TECPR2: variants seen among roughly 807,000 people sequenced by gnomAD.
The protein encoded by TECPR2 is tectonin beta-propeller repeat-containing protein 2.
A neutral mutation model predicts 138.1 loss-of-function variants in TECPR2; 65 were observed. The observed-to-expected ratio is 0.47, with a 90% CI of 0.39 to 0.58. The LOEUF is 0.58. Among genes scored for constraint, TECPR2 ranks in the 20% least tolerant of loss-of-function variants. The pLI, the probability that TECPR2 is intolerant of heterozygous loss-of-function variation, is 0.00. For synonymous variants in TECPR2, 746 were observed against 749.8 expected, an observed-to-expected ratio of 0.99 and a Z score of 0.08; for missense variants, 1,553 against 1,824.5, an observed-to-expected ratio of 0.85 and a Z score of 2.71.
At position 102,362,962 on chromosome 14, in the gene TECPR2, GCCCC is replaced by G. The variant is rs1230605086; in HGVS notation, c.-225_-222del. On this transcript the variant is annotated 5_prime_UTR_variant, in exon 1 of 20. Transcript: ENST00000359520. ...TGCCACTTGTGGCTCTGCCGCTCTA[GCCCC>G]CGGCGGAGCCAGCTGCTGCTCTTCG... 5 of 1,422,288 alleles carry G rather than the reference GCCCC, an allele frequency of 3.5e-6. No homozygotes were observed. The African/African-American group carries it at 7.1e-5, about 20-fold the overall frequency. 88.1% of individuals were successfully genotyped at this position (1,422,288 alleles called of 1,614,324 possible).
At chr14:102,432,298 TACACACAC>T (rs10650505) in intron 8 of TECPR2, among the ~76,000 whole-genome samples, 170 bp downstream of exon 8, 1 of 148,804 alleles carries the variant, frequency 6.7e-6, no homozygotes, top group African/African-American at 2.5e-5. Flanking sequence ...TAACGGAAAA[TACACACAC>T]ACACACACAC....
At position 102,435,007 on chromosome 14, in the gene TECPR2, C is replaced by T; in HGVS notation, c.2190C>T (p.Ala730=). Residue 730 remains alanine, a synonymous_variant, in exon 9 of 20, where the codon GCC becomes GCT. Coordinates refer to ENST00000359520, the MANE Select transcript of TECPR2 (RefSeq NM_014844.5). ...SVGGQLTPVS[A]LAASTHKPWL... is the part of the protein sequence containing the mutation. The stretch of plus-strand genomic sequence containing the variant: ...GAGGACAGCTGACTCCGGTCTCTGC[C>T]TTGGCAGCCAGCACTCACAAGCCCT... 2 of 1,614,104 alleles carry T rather than the reference C, an allele frequency of 1.2e-6. No homozygotes were observed. Among genetic ancestry groups the T allele is most frequent in the Non-Finnish European group, 1.7e-6 (2 of 1,180,024 alleles).
rs768901826 is a variant in TECPR2 at position 102,498,145 on chromosome 14, A to G, written c.4124A>G (p.Tyr1375Cys). The change falls in exon 20 of 20, where the codon TAC becomes TGC. Residue 1375 changes from tyrosine (Y) to cysteine (C), a missense_variant. Coordinates refer to ENST00000359520, the MANE Select transcript of TECPR2 (RefSeq NM_014844.5). ...CTGTGGGCTGTGGGCCCGCCCGGCTACCTCCTCCAACGGCTGACAAAGACG... is the reference window on the plus strand; with the variant it reads ...CTGTGGGCTGTGGGCCCGCCCGGCTGCCTCCTCCAACGGCTGACAAAGACG... ...DELWAVGPPG[Y>C]LLQRLTKTFS... 1.9e-6 allele frequency: 3 copies of G among 1,612,930 alleles called. No individual in the cohort carries two copies. Among genetic ancestry groups the G allele is most frequent in the Non-Finnish European group, 2.5e-6 (3 of 1,179,926 alleles).
intron 2 of TECPR2, among the ~76,000 whole-genome samples, chr14:102,394,101 A>G (rs1274264944): frequency 6.6e-6 from 1 of 152,186 alleles, no homozygotes; most frequent in Non-Finnish European, 1.5e-5. Flanking sequence ...AATTCTGTTA[A>G]TGGTATCATT....
rs769645660 is a variant in TECPR2 at position 102,431,997 on chromosome 14, C to T, written c.1286C>T (p.Ala429Val). Residue 429 changes from alanine to valine, a missense_variant, in exon 8 of 20, where the codon GCC becomes GTC. Ala to Val is a moderately conservative substitution (Grantham distance 64). Transcript: ENST00000359520. ...GGGCTCCTGCCCCCTGGGCTCCAGG[C>T]CACCCCTGAGCTGGGCAAGGGCAGC... The part of the protein sequence containing the change: ...GSGLLPPGLQ[A>V]TPELGKGSQP... 6.2e-7 allele frequency: 1 copy of T among 1,612,854 alleles called. No individual in the cohort carries two copies. The highest frequency in any genetic ancestry group is 1.1e-5 in the South Asian group (1 of 91,070).
intron 16 of TECPR2, among the ~76,000 whole-genome samples, chr14:102,457,452 A>T (rs1890302236): frequency 6.6e-6 from 1 of 152,180 alleles, no homozygotes; most frequent in South Asian, 2.1e-4. Flanking sequence ...TCTGCCCAGG[A>T]GCCCGTGTAT....
In TECPR2 at chr14:102,452,383, C is replaced by T; in HGVS notation, c.3407-11C>T. 6.2e-7 allele frequency: 1 copy of T among 1,601,784 alleles called. No homozygotes were observed. ...CAACACCTCGATGACAAACATGACC[C>T]CTTTCTGCAGGAAGCTTCCTGTGGC... On this transcript the variant is annotated splice_polypyrimidine_tract_variant and intron_variant, in intron 15 of 19. Coordinates refer to ENST00000359520, the MANE Select transcript of TECPR2 (RefSeq NM_014844.5).
intron 1 of TECPR2, among the ~76,000 whole-genome samples, chr14:102,371,916 TA>T (rs1182556602): frequency 6.6e-6 from 1 of 152,230 alleles, no homozygotes; most frequent in Non-Finnish European, 1.5e-5. Flanking sequence ...TATATGTTTA[TA>T]TACATATATC....
At chr14:102,488,400 C>T (rs142370084) in intron 17 of TECPR2, among the ~76,000 whole-genome samples, 4,276 of 150,412 alleles carry the variant, frequency 0.028, 79 homozygotes, top group Middle Eastern at 0.094. Flanking sequence ...AGTGCAATGG[C>T]GCAATCTTGA....
chr14:102,368,125 C>T (rs953422134), intron 1 of TECPR2, among the ~76,000 whole-genome samples: 1 of 146,952 alleles, frequency 6.8e-6, no homozygotes, highest in African/African-American at 2.5e-5. Flanking sequence ...CTTGTTCCTT[C>T]GGCCTCCTGA....
intron 17 of TECPR2, among the ~76,000 whole-genome samples, chr14:102,491,979 T>G (rs1891169742): frequency 6.6e-6 from 1 of 152,220 alleles, no homozygotes; most frequent in South Asian, 2.1e-4. Context: ...GTGTGAGGCC[T>G]TGGGCCACAT....
chr14:102,444,043 G>A (rs1006319057), intron 12 of TECPR2, among the ~76,000 whole-genome samples: 1 of 152,108 alleles, frequency 6.6e-6, no homozygotes, highest in Non-Finnish European at 1.5e-5. Context: ...CCTCTGCGCA[G>A]CCCTGAGCAT....
chr14:102,441,514 T>TAA (rs755321740), intron 11 of TECPR2, among the ~76,000 whole-genome samples: 8 of 123,530 alleles, frequency 6.5e-5, no homozygotes, highest in African/African-American at 2.4e-4. Flanking sequence ...CTGTCTCTAC[T>TAA]AAAAAAAAAA....
chr14:102,455,787 A>T (rs976013775), intron 16 of TECPR2, among the ~76,000 whole-genome samples: 1 of 152,024 alleles, frequency 6.6e-6, no homozygotes, highest in Non-Finnish European at 1.5e-5. Context: ...AATTTTTTGT[A>T]TTTTTAGTAG....
intron 16 of TECPR2, 101 bp downstream of exon 16, chr14:102,452,728 TG>T: frequency 1.1e-6 from 1 of 893,676 alleles, no homozygotes; most frequent in Non-Finnish European, 1.7e-6. Flanking sequence ...GTCCAACCTG[TG>T]AGAGTTCTGA....
chr14:102,410,426 C>T (rs969473898), intron 4 of TECPR2, among the ~76,000 whole-genome samples: 1 of 150,186 alleles, frequency 6.7e-6, no homozygotes, highest in Non-Finnish European at 1.5e-5. Flanking sequence ...TGCCAAATCC[C>T]CCTCTGTGAG....
At chr14:102,432,982 A>G (rs1051463514) in intron 8 of TECPR2, among the ~76,000 whole-genome samples, 1 of 150,670 alleles carries the variant, frequency 6.6e-6, no homozygotes, top group Non-Finnish European at 1.5e-5. Context: ...CCAGCCTCGC[A>G]ACAGAGCAAG....
At chr14:102,430,714 G>C (rs539978279) in intron 7 of TECPR2, among the ~76,000 whole-genome samples, 1 of 152,186 alleles carries the variant, frequency 6.6e-6, no homozygotes, top group Non-Finnish European at 1.5e-5. Flanking sequence ...TGGCCCTTGG[G>C]CTTGGGGACA....
At chr14:102,372,713 A>C (rs1887537705) in intron 1 of TECPR2, among the ~76,000 whole-genome samples, 2 of 152,252 alleles carry the variant, frequency 1.3e-5, no homozygotes, top group South Asian at 4.1e-4. Flanking sequence ...TGAGATCAGG[A>C]GTTCAAGACC....
Sources: gnomAD v4.1 joint callset for allele counts (sites outside exome capture counted in the v4.1 genomes callset) on GRCh38, gnomAD v4.1.1 for gene constraint, MANE v1.5 for transcripts, NCBI Gene and HGNC (gene_info 2026-07-23, HGNC 2026-07-21) for gene names.